The following GRID2 variants were observed in gnomAD, a reference collection of about 807,000 sequenced individuals.
GRID2 encodes the protein glutamate ionotropic receptor delta type subunit 2.
Under a neutral mutation model 114.8 loss-of-function variants are expected in GRID2, and 33 were observed. The observed-to-expected ratio is 0.29, with a 90% CI of 0.22 to 0.38. The LOEUF (loss-of-function observed/expected upper bound fraction) is 0.38, where lower values mean the gene tolerates loss of function less well. Among genes scored for constraint, GRID2 ranks in the 10% least tolerant of loss-of-function variants. GRID2 has a pLI of 1.00. For missense variants in GRID2, 1,184 were observed against 1,257.7 expected, an observed-to-expected ratio of 0.94 and a Z score of 0.89; for synonymous variants, 505 against 449.9, an observed-to-expected ratio of 1.12 and a Z score of -1.55.
At chr4:93,359,457 A>T (rs1043092428) in intron 8 of GRID2, among the ~76,000 whole-genome samples, 1 of 151,762 alleles carries the variant, frequency 6.6e-6, no homozygotes, top group Non-Finnish European at 1.5e-5. Context: ...TAGTTATTTT[A>T]AAATATGCAA....
chr4:92,816,563 A>T (rs1740931516), intron 2 of GRID2, among the ~76,000 whole-genome samples: 1 of 152,122 alleles, frequency 6.6e-6, no homozygotes, highest in Non-Finnish European at 1.5e-5. Context: ...GAGTGTTTGC[A>T]AATGAAGGTT....
intron 11 of GRID2, among the ~76,000 whole-genome samples, chr4:93,486,378 T>C (rs1726407459): frequency 6.6e-6 from 1 of 151,650 alleles, no homozygotes; most frequent in African/African-American, 2.4e-5. Flanking sequence ...CTAGCACAAC[T>C]CCAATTCAAT....
intron 1 of GRID2, among the ~76,000 whole-genome samples, chr4:93,791,296 C>G (rs1160757000): frequency 6.6e-6 from 1 of 152,136 alleles, no homozygotes; most frequent in East Asian, 1.9e-4. Context: ...TGCACCACCT[C>G]GTGTCAGGGC....
intron 1 of GRID2, among the ~76,000 whole-genome samples, chr4:92,305,402 T>G (rs1479181149): frequency 1.3e-5 from 2 of 152,148 alleles, no homozygotes; most frequent in African/African-American, 2.4e-5. Context: ...GTGCCTCGCC[T>G]CCTCGGACAC....
intron 2 of GRID2, among the ~76,000 whole-genome samples, chr4:92,673,918 T>C (rs909554732): frequency 6.6e-6 from 1 of 152,150 alleles, no homozygotes; most frequent in African/African-American, 2.4e-5. Context: ...GGCACATGTA[T>C]ACATTTGTAA....
chr4:92,597,066 T>C (rs1728990179), intron 2 of GRID2, among the ~76,000 whole-genome samples: 1 of 152,018 alleles, frequency 6.6e-6, no homozygotes, highest in African/African-American at 2.4e-5. Flanking sequence ...ATTTTCTTTT[T>C]TTTACGATCA....
At chr4:93,200,795 T>G (rs1742023613) in intron 4 of GRID2, among the ~76,000 whole-genome samples, 1 of 152,220 alleles carries the variant, frequency 6.6e-6, no homozygotes, top group Non-Finnish European at 1.5e-5. Flanking sequence ...GATTATAGTC[T>G]ACATGTTCCA....
intron 1 of GRID2, among the ~76,000 whole-genome samples, chr4:92,393,740 G>A (rs922846748): frequency 1.3e-5 from 2 of 152,102 alleles, no homozygotes; most frequent in African/African-American, 4.8e-5. Flanking sequence ...TCCAGTCAAA[G>A]GGGGTAAAAT....
chr4:92,670,346 AT>A (rs1457628408), intron 2 of GRID2, among the ~76,000 whole-genome samples: 1 of 151,992 alleles, frequency 6.6e-6, no homozygotes, highest in East Asian at 1.9e-4. Context: ...ATTTGTTATC[AT>A]TTTTGGGAGC....
chr4:93,221,784 G>C (rs932389758), intron 6 of GRID2, among the ~76,000 whole-genome samples: 1 of 152,120 alleles, frequency 6.6e-6, no homozygotes, highest in South Asian at 2.1e-4. Flanking sequence ...GAAAAGCTCA[G>C]GGAATATTAC....
intron 3 of GRID2, among the ~76,000 whole-genome samples, chr4:93,092,169 G>A (rs1312799054): frequency 6.6e-6 from 1 of 152,122 alleles, no homozygotes; most frequent in East Asian, 1.9e-4. Flanking sequence ...GTCTGTTGAT[G>A]GTAGAGAGCG....
At chr4:92,650,088 A>G (rs1173213819) in intron 2 of GRID2, among the ~76,000 whole-genome samples, 1 of 152,076 alleles carries the variant, frequency 6.6e-6, no homozygotes, top group Non-Finnish European at 1.5e-5. Flanking sequence ...TGAGGTCAAT[A>G]TCTATTACAT....
At chr4:92,915,047 CA>C (rs1018538357) in intron 2 of GRID2, among the ~76,000 whole-genome samples, 3 of 152,144 alleles carry the variant, frequency 2.0e-5, no homozygotes, top group African/African-American at 4.8e-5. Flanking sequence ...AACTTACAAT[CA>C]TGGCCGAAGT....
chr4:93,301,567 A>C (rs774020534), intron 8 of GRID2, among the ~76,000 whole-genome samples: 1 of 152,152 alleles, frequency 6.6e-6, no homozygotes, highest in African/African-American at 2.4e-5. Flanking sequence ...TATCAAAAAA[A>C]CAGAAATGGT....
At chr4:93,190,535 T>C (rs988546284) in intron 4 of GRID2, among the ~76,000 whole-genome samples, 1 of 152,154 alleles carries the variant, frequency 6.6e-6, no homozygotes. Context: ...CCAAATCATA[T>C]CCAACTCTCA....
intron 8 of GRID2, among the ~76,000 whole-genome samples, chr4:93,307,155 T>C (rs6845206): frequency 0.71 from 106,426 of 150,520 alleles, 37,748 homozygotes; most frequent in Middle Eastern, 0.86. Flanking sequence ...TGAGCCGAGA[T>C]AGCGCCACTA....
At chr4:92,694,175 A>G (rs909978047) in intron 2 of GRID2, among the ~76,000 whole-genome samples, 4 of 152,242 alleles carry the variant, frequency 2.6e-5, no homozygotes, top group African/African-American at 7.2e-5. Context: ...TGCATTTATT[A>G]TCGGATTGGG....
At chr4:92,997,415 C>G (rs532314933) in intron 2 of GRID2, among the ~76,000 whole-genome samples, 2 of 152,244 alleles carry the variant, frequency 1.3e-5, no homozygotes, top group South Asian at 2.1e-4. Context: ...GAGGGTTCCT[C>G]ATAAGATCAG....
intron 2 of GRID2, among the ~76,000 whole-genome samples, chr4:92,834,148 T>C (rs1409513047): frequency 6.6e-6 from 1 of 152,210 alleles, no homozygotes; most frequent in Non-Finnish European, 1.5e-5. Context: ...CCTTTATATT[T>C]ATATTGCAAT....
Sources: allele counts gnomAD v4.1 joint callset (sites outside exome capture counted in the v4.1 genomes callset), GRCh38; gene constraint gnomAD v4.1.1; transcripts MANE v1.5; gene names NCBI Gene and HGNC (gene_info 2026-07-23, HGNC 2026-07-21).